The following TMEM178B variants were observed in gnomAD, a reference collection of about 807,000 sequenced individuals.
The protein encoded by TMEM178B is transmembrane protein 178B.
Under a neutral mutation model 31.0 loss-of-function variants are expected in TMEM178B, and 5 were observed. That is an observed-to-expected ratio of 0.16 (90% CI 0.08 to 0.34). TMEM178B has a LOEUF of 0.34. TMEM178B is among the 10% of genes least tolerant of loss of function. The pLI is 1.00. For synonymous variants in TMEM178B, 164 were observed against 164.0 expected (o/e 1.00, Z 0.00); for missense variants, 275 against 400.3 (o/e 0.69, Z 2.67).
chr7:141,503,661 AC>A, the TMEM178B span, among the ~76,000 whole-genome samples: 2 of 152,134 alleles, frequency 1.3e-5, no homozygotes, highest in Admixed American at 6.5e-5. Context: ...ATTCTAATAA[AC>A]CCTAACTCAC....
chr7:141,142,342 G>T (rs112030550), intron 1 of TMEM178B, among the ~76,000 whole-genome samples: 2,424 of 139,676 alleles, frequency 0.017, 73 homozygotes, highest in African/African-American at 0.075. Context: ...ATTGTGAATA[G>T]TGCTGTGAGG....
chr7:141,327,185 G>A (rs1799206636), intron 2 of TMEM178B, among the ~76,000 whole-genome samples: 1 of 152,188 alleles, frequency 6.6e-6, no homozygotes, highest in Admixed American at 6.5e-5. Flanking sequence ...TTTGCATGAT[G>A]TATAGAGTTT....
At chr7:141,408,041 G>C (rs1800916555) in intron 2 of TMEM178B, among the ~76,000 whole-genome samples, 1 of 152,188 alleles carries the variant, frequency 6.6e-6, no homozygotes, top group Non-Finnish European at 1.5e-5. Context: ...CGCTCAGTAA[G>C]AGCCAGGACT....
At chr7:141,161,736 G>A (rs370717509) in intron 1 of TMEM178B, among the ~76,000 whole-genome samples, 2 of 152,038 alleles carry the variant, frequency 1.3e-5, no homozygotes, top group African/African-American at 4.8e-5. Flanking sequence ...ACAACTGTGT[G>A]TGTGTCTGTA....
chr7:141,264,677 A>G (rs905405119), intron 2 of TMEM178B, among the ~76,000 whole-genome samples: 5 of 152,242 alleles, frequency 3.3e-5, no homozygotes, highest in African/African-American at 1.2e-4. Context: ...GTATTACACC[A>G]AGGATAAATA....
chr7:141,119,571 G>A (rs139078481), intron 1 of TMEM178B, among the ~76,000 whole-genome samples: 75 of 152,306 alleles, frequency 4.9e-4, no homozygotes, highest in African/African-American at 1.7e-3. Context: ...ACACCTCAGG[G>A]TGGCACTCAG....
At chr7:141,252,473 C>G (rs568930479) in intron 2 of TMEM178B, among the ~76,000 whole-genome samples, 21 of 152,244 alleles carry the variant, frequency 1.4e-4, no homozygotes, top group Middle Eastern at 3.4e-3. Context: ...AAACTGGCCA[C>G]GATGTAGACG....
chr7:141,191,439 C>T (rs1411667048), intron 1 of TMEM178B, among the ~76,000 whole-genome samples: 2 of 152,192 alleles, frequency 1.3e-5, no homozygotes, highest in East Asian at 3.8e-4. Flanking sequence ...TCTAGAGAGG[C>T]TGAACAAATT....
chr7:141,347,701 T>G (rs1225457383), intron 2 of TMEM178B, among the ~76,000 whole-genome samples: 1 of 152,012 alleles, frequency 6.6e-6, no homozygotes, highest in Non-Finnish European at 1.5e-5. Flanking sequence ...TCTCTTACTC[T>G]CCACATCTCC....
intron 3 of TMEM178B, among the ~76,000 whole-genome samples, chr7:141,455,522 A>C (rs1158654295): frequency 6.6e-6 from 1 of 152,248 alleles, no homozygotes; most frequent in Non-Finnish European, 1.5e-5. Context: ...GATGAGAGGC[A>C]ACTTAAAAAG....
Position 141,074,417 on chromosome 7 carries a change from C to T in TMEM178B, c.107C>T (p.Ala36Val). 6.5e-7 allele frequency: 1 copy of T among 1,536,154 alleles called. No individual in the cohort carries two copies. Among genetic ancestry groups the T allele is most frequent in the Non-Finnish European group, 8.7e-7 (1 of 1,146,876 alleles). ...TCGGACCACTGGTACGAGACGGACG[C>T]CAGGAAGCACAGGGACAGGTGCAAG... ...ICSDHWYETD[A>V]RKHRDRCKAF... Residue 36 changes from alanine to valine, a missense_variant, in exon 1 of 4, where the codon GCC (alanine) becomes GTC (valine). Transcript: ENST00000565468. The surrounding 1 kb of genome is among the most constrained non-coding windows in gnomAD (Gnocchi z 5.1).
chr7:141,126,422 C>G (rs1489620051), intron 1 of TMEM178B, among the ~76,000 whole-genome samples: 2 of 152,228 alleles, frequency 1.3e-5, no homozygotes, highest in African/African-American at 2.4e-5. Flanking sequence ...CACATTTATT[C>G]ATTTAGCCTC....
Position 141,074,170 on chromosome 7 carries a change from G to C in TMEM178B, c.-141G>C. 1.6e-6 allele frequency: 2 copies of C among 1,244,912 alleles called. No individual in the cohort carries two copies. The highest frequency in any genetic ancestry group is 5.5e-5 in the East Asian group (2 of 36,060). The allele number at this position is 1,244,912 out of a possible 1,614,324, so 77.1% of individuals were successfully genotyped here. ...GTCCCCGGGCCGTGCTCCGGTAGGCGGGGGCCGAGGGGGCGCCGCGGCGCG... is the reference window on the plus strand; with the variant it reads ...GTCCCCGGGCCGTGCTCCGGTAGGCCGGGGCCGAGGGGGCGCCGCGGCGCG... On this transcript the variant is annotated 5_prime_UTR_variant, in exon 1 of 4. Coordinates refer to ENST00000565468, the MANE Select transcript of TMEM178B (RefSeq NM_001195278.2). The surrounding 1 kb of genome is among the most constrained non-coding windows in gnomAD (Gnocchi z 5.1).
rs576046812 is a variant in TMEM178B, at chr7:141,470,805, C to CATAT, written c.*29_*32dup. The CATAT allele has an allele frequency of 1.8e-6, 2 of 1,104,418 alleles. No individual in the cohort carries two copies. The highest frequency in any genetic ancestry group is 2.3e-6 in the Non-Finnish European group (2 of 880,022). The allele number at this position is 1,104,418 out of a possible 1,614,324, so 68.4% of individuals were successfully genotyped here. On this transcript the variant is annotated 3_prime_UTR_variant, in exon 4 of 4. Transcript: ENST00000565468. ...GTGCTAAAAAACAAACCCATACATA[C>CATAT]ATATATATATATAAATATATATATA...
chr7:141,326,957 A>G (rs1305456288), intron 2 of TMEM178B, among the ~76,000 whole-genome samples: 1 of 152,178 alleles, frequency 6.6e-6, no homozygotes, highest in East Asian at 1.9e-4. Flanking sequence ...ACTCACATTT[A>G]AAAATAAATA....
chr7:141,210,388 G>A (rs945235467), intron 1 of TMEM178B, among the ~76,000 whole-genome samples: 8 of 152,056 alleles, frequency 5.3e-5, no homozygotes, highest in South Asian at 2.1e-4. Flanking sequence ...GCTTGAACCC[G>A]GGAGGCGGAG....
At chr7:141,290,973 C>T (rs1798535981) in intron 2 of TMEM178B, among the ~76,000 whole-genome samples, 1 of 152,196 alleles carries the variant, frequency 6.6e-6, no homozygotes, top group African/African-American at 2.4e-5. Context: ...CGCTGGCTGG[C>T]TCTTCCTTGA....
intron 2 of TMEM178B, among the ~76,000 whole-genome samples, chr7:141,417,963 C>T (rs1190711429): frequency 6.6e-6 from 1 of 152,122 alleles, no homozygotes; most frequent in Admixed American, 6.5e-5. Flanking sequence ...GACTCCAAAG[C>T]AGTGTCCTTT....
intron 1 of TMEM178B, among the ~76,000 whole-genome samples, chr7:141,174,086 C>A (rs1796388530): frequency 6.6e-6 from 1 of 152,174 alleles, no homozygotes; most frequent in South Asian, 2.1e-4. Context: ...TTAGGTATAT[C>A]TCCTAATGCT....
Sources: allele counts gnomAD v4.1 joint callset (sites outside exome capture counted in the v4.1 genomes callset), GRCh38; gene constraint gnomAD v4.1.1; non-coding constraint Gnocchi (gnomAD v3.1); transcripts MANE v1.5; gene names NCBI Gene and HGNC (gene_info 2026-07-23, HGNC 2026-07-21).